OARD1: variants seen among roughly 807,000 people sequenced by gnomAD.
OARD1 encodes the protein ADP-ribose glycohydrolase OARD1.
Under a neutral mutation model 19.7 loss-of-function variants are expected in OARD1, and 19 were observed. The observed-to-expected ratio is 0.96, with a 90% confidence interval of 0.67 to 1.41. OARD1 has a LOEUF of 1.41. Among genes scored for constraint, OARD1 ranks in the 40% most tolerant of loss-of-function variants. The pLI, the probability that OARD1 is intolerant of heterozygous loss-of-function variation, is 0.00. For missense variants in OARD1, 190 were observed against 183.8 expected, an observed-to-expected ratio of 1.03 and a Z score of -0.20; for synonymous variants, 70 against 61.8, an observed-to-expected ratio of 1.13 and a Z score of -0.62.
At chr6:41,069,836 T>G (rs745575197) in intron 4 of OARD1, 2 of 568,118 alleles carry the variant, frequency 3.5e-6, no homozygotes, top group East Asian at 6.7e-5. Context: ...CTATGGTACA[T>G]GATACACGAC....
At chr6:41,096,547 A>G (rs564856886) in intron 1 of OARD1, among the ~76,000 whole-genome samples, 141 of 152,372 alleles carry the variant, frequency 9.3e-4, no homozygotes, top group African/African-American at 3.3e-3. Flanking sequence ...TACCTAGTGC[A>G]TGGTGAGTTC....
chr6:41,075,033 C>T (rs1207737477), upstream of OARD1, among the ~76,000 whole-genome samples: 2 of 152,098 alleles, frequency 1.3e-5, no homozygotes, highest in African/African-American at 2.4e-5. Flanking sequence ...ACTAAAACTT[C>T]GGGGACAGGT....
intron 1 of OARD1, chr6:41,097,403 T>C (rs780518600): frequency 1.2e-6 from 2 of 1,613,966 alleles, no homozygotes; most frequent in East Asian, 2.2e-5. Context: ...ATCATCCGAG[T>C]GTCCTAACCC....
intron 1 of OARD1, among the ~76,000 whole-genome samples, chr6:41,090,492 T>C (rs1764170934): frequency 6.6e-6 from 1 of 152,198 alleles, no homozygotes; most frequent in Non-Finnish European, 1.5e-5. Flanking sequence ...TGACCAACAG[T>C]GATTCCATGT....
rs549512692 is a variant in OARD1 at position 41,090,948 on chromosome 6, T to C, written c.-42+6765A>G. ...GATTCCATGACTTTGTGATTGCAAA[T>C]TTGCAATATACAGGATCCAGAGAGT... On this transcript the variant is annotated intron_variant, in intron 1 of 4. Transcript: ENST00000480585. Among the ~76,000 whole-genome samples, 13 of 152,288 alleles carry C rather than the reference T, an allele frequency of 8.5e-5. No homozygotes were observed. The South Asian group carries it at 2.7e-3, about 32-fold the overall frequency.
At chr6:41,068,697 T>C in intron 5 of OARD1, 144 bp downstream of exon 5, 2 of 518,344 alleles carry the variant, frequency 3.9e-6, no homozygotes, top group Non-Finnish European at 6.7e-6. Context: ...GACAACTGGT[T>C]CACTGGTGGT....
chr6:41,069,579 A>G (rs1582001427), intron 4 of OARD1: 1 of 199,128 alleles, frequency 5.0e-6, no homozygotes, highest in East Asian at 1.6e-4. Flanking sequence ...ACCAAATGCC[A>G]TCCTGGACTG....
At chr6:41,079,168 T>G in intron 1 of OARD1, 1 of 1,614,130 alleles carries the variant, frequency 6.2e-7, no homozygotes, top group African/African-American at 1.3e-5. Flanking sequence ...GCAGCAGGTA[T>G]GGAAGCAAAA....
upstream of OARD1, chr6:41,075,789 C>T (rs1763716742): frequency 6.6e-6 from 1 of 151,912 alleles, no homozygotes; most frequent in African/African-American, 2.4e-5. Flanking sequence ...CTCTGTCCTC[C>T]AAATTCCCAT....
chr6:41,091,504 G>T (rs1034495678), intron 1 of OARD1: 2 of 1,608,130 alleles, frequency 1.2e-6, no homozygotes, highest in Middle Eastern at 1.7e-4. Context: ...TTTTTTGTTT[G>T]TTTTATGTTT....
intron 1 of OARD1, among the ~76,000 whole-genome samples, chr6:41,078,636 A>G: frequency 6.6e-6 from 1 of 152,218 alleles, no homozygotes; most frequent in Non-Finnish European, 1.5e-5. Flanking sequence ...GGACCTGAGT[A>G]ACATGTTTGG....
intron 1 of OARD1, among the ~76,000 whole-genome samples, chr6:41,089,055 G>T (rs554107490): frequency 1.3e-4 from 20 of 152,032 alleles, no homozygotes; most frequent in African/African-American, 4.6e-4. Flanking sequence ...GCGTGATCTC[G>T]GCTCACTGCA....
chr6:41,073,555 G>A (rs951887651), upstream of OARD1, among the ~76,000 whole-genome samples: 1 of 151,968 alleles, frequency 6.6e-6, no homozygotes, highest in African/African-American at 2.4e-5. Context: ...GCCTCCCCGG[G>A]GCCCGCGCCC....
chr6:41,091,365 T>C (rs1764193500), intron 1 of OARD1, among the ~76,000 whole-genome samples: 1 of 152,226 alleles, frequency 6.6e-6, no homozygotes, highest in Non-Finnish European at 1.5e-5. Context: ...AGATTATATA[T>C]AGCACACCAC....
intron 1 of OARD1, among the ~76,000 whole-genome samples, chr6:41,079,660 T>C (rs1014878854): frequency 6.6e-6 from 1 of 152,258 alleles, no homozygotes; most frequent in Non-Finnish European, 1.5e-5. Context: ...AATTCCCTGC[T>C]GCTGGTTTAT....
chr6:41,094,522 C>T (rs1764293531), intron 1 of OARD1: 2 of 1,577,574 alleles, frequency 1.3e-6, no homozygotes, highest in Non-Finnish European at 8.7e-7. Context: ...ACATTTTATT[C>T]TTCTCTTTAT....
chr6:41,065,997 G>A lies in OARD1; in HGVS notation c.*1338C>T, dbSNP rs1453130007. ...TCCATGAACTTTATTTTCCTACCAT[G>A]ACCACAATAGACGACTGGTCTTTGC... On this transcript the variant is annotated 3_prime_UTR_variant, in exon 6 of 6. Transcript: ENST00000424266. 1 of 152,202 alleles carries A rather than the reference G, an allele frequency of 6.6e-6. No homozygotes were observed. The highest frequency in any genetic ancestry group is 1.5e-5 in the Non-Finnish European group (1 of 68,042). 9.4% of individuals were successfully genotyped at this position (152,202 alleles called of 1,614,324 possible).
intron 1 of OARD1, among the ~76,000 whole-genome samples, chr6:41,078,450 A>G (rs982358569): frequency 1.3e-5 from 2 of 151,688 alleles, no homozygotes; most frequent in Admixed American, 1.3e-4. Flanking sequence ...CCTCCCTCCC[A>G]TATTTCCAAG....
chr6:41,095,402 G>T (rs1398978075), intron 1 of OARD1, among the ~76,000 whole-genome samples: 1 of 152,072 alleles, frequency 6.6e-6, no homozygotes, highest in African/African-American at 2.4e-5. Context: ...TATCTGTTAG[G>T]TCTGGGTTTA....
Sources: allele counts gnomAD v4.1 joint callset (sites outside exome capture counted in the v4.1 genomes callset), GRCh38; gene constraint gnomAD v4.1.1; transcripts MANE v1.5; gene names NCBI Gene and HGNC (gene_info 2026-07-23, HGNC 2026-07-21).